SCN9A: variants seen among roughly 807,000 people sequenced by gnomAD.
The protein encoded by SCN9A is sodium voltage-gated channel alpha subunit 9.
Under a neutral mutation model 187.0 loss-of-function variants are expected in SCN9A, and 131 were observed. The ratio of observed to expected loss-of-function variants is 0.70; its 90% CI spans 0.61 to 0.81. SCN9A has a LOEUF of 0.81. Among genes scored for constraint, SCN9A ranks in the 30% least tolerant of loss-of-function variants. SCN9A has a pLI of 0.00. For synonymous variants in SCN9A, 809 were observed against 808.6 expected, an observed-to-expected ratio of 1.00 and a Z score of -0.01; for missense variants, 2,252 against 2,396.6, an observed-to-expected ratio of 0.94 and a Z score of 1.26.
Position 166,286,427 on chromosome 2 carries a change from T to A in SCN9A, c.1511A>T (p.Glu504Val). Residue 504 changes from glutamate to valine, a missense_variant, in exon 11 of 27, where the codon GAA becomes GTA. Coordinates refer to ENST00000642356, the MANE Select transcript of SCN9A (RefSeq NM_001365536.1). ...TTTTCTTCTGATGCTGTCCTCTGAT[T>A]CTGATTTCGACAATTTCTCAGCATC... ...KGDAEKLSKS[E>V]SEDSIRRKSF... is the part of the protein sequence containing the mutation. 6.2e-7 allele frequency: 1 copy of A among 1,613,922 alleles called. No individual in the cohort carries two copies. Among genetic ancestry groups the A allele is most frequent in the South Asian group, 1.1e-5 (1 of 91,068 alleles).
intron 4 of SCN9A, 150 bp downstream of exon 4, chr2:166,306,360 G>A: frequency 1.6e-6 from 1 of 630,142 alleles, no homozygotes; most frequent in East Asian, 2.8e-5. Context: ...TAATATCATA[G>A]AGGAGGTAAA....
In SCN9A at chr2:166,311,620, GCTT is replaced by G. The variant is rs1198936365; in HGVS notation, c.134_136del (p.Glu45del). On this transcript the variant is annotated inframe_deletion, in exon 2 of 27. Coordinates refer to ENST00000642356, the MANE Select transcript of SCN9A (RefSeq NM_001365536.1). Reference sequence around the variant, plus strand: ...TTCCAAGTCACTGCTTGGCTTTGGGGCTTCTTCATCATCATCTTTCTTTTCTTC... The same window carrying G: ...TTCCAAGTCACTGCTTGGCTTTGGGGCTTCATCATCATCTTTCTTTTCTTC... 2 of 1,613,166 alleles carry G rather than the reference GCTT, an allele frequency of 1.2e-6. No individual in the cohort carries two copies. Among genetic ancestry groups the G allele is most frequent in the South Asian group, 1.1e-5 (1 of 91,044 alleles).
At position 166,215,999 on chromosome 2, in the gene SCN9A, G is replaced by A. The variant is rs1694314737; in HGVS notation, c.4398+10568C>T. On this transcript the variant is annotated intron_variant, in intron 24 of 26. Transcript: ENST00000642356. ...TCCAAAAATTCACAACAATATATTA[G>A]CAAACTGAATTCCCTAGCACATTTA... 2.6e-5 allele frequency among the ~76,000 whole-genome samples: 4 copies of A among 151,934 alleles called. No individual in the cohort carries two copies. In the South Asian group the frequency reaches 8.3e-4, roughly 31 times the overall value.
At chr2:166,288,162 T>TACACAC (rs10584581) in intron 10 of SCN9A, among the ~76,000 whole-genome samples, 6 of 146,820 alleles carry the variant, frequency 4.1e-5, no homozygotes, top group African/African-American at 1.3e-4. Flanking sequence ...TATATAGACA[T>TACACAC]ACACACACAC....
intron 1 of SCN9A, among the ~76,000 whole-genome samples, chr2:166,354,259 T>C (rs2105303636): frequency 6.6e-6 from 1 of 152,298 alleles, no homozygotes; most frequent in Non-Finnish European, 1.5e-5. Flanking sequence ...GCAAAAAATA[T>C]AAGGATTCTG....
chr2:166,280,297 G>A, intron 14 of SCN9A, 60 bp downstream of exon 14: 1 of 935,138 alleles, frequency 1.1e-6, no homozygotes, highest in Non-Finnish European at 1.6e-6. Context: ...AATATGAAAT[G>A]ACAATGATGA....
intron 9 of SCN9A, 66 bp downstream of exon 9, chr2:166,293,165 G>T: frequency 7.1e-7 from 1 of 1,407,600 alleles, no homozygotes; most frequent in South Asian, 1.3e-5. Flanking sequence ...CCTAATACAG[G>T]CTCTTAACAT....
chr2:166,230,774 G>A (rs1055259422), intron 21 of SCN9A, among the ~76,000 whole-genome samples: 6 of 152,046 alleles, frequency 3.9e-5, no homozygotes, highest in African/African-American at 1.4e-4. Flanking sequence ...TGTACTCTGT[G>A]TTTTTTATAT....
intron 17 of SCN9A, among the ~76,000 whole-genome samples, chr2:166,264,116 C>T (rs935852781): frequency 1.3e-5 from 2 of 151,844 alleles, no homozygotes; most frequent in Non-Finnish European, 1.5e-5. Flanking sequence ...AAGTTAATCC[C>T]GATATTAAAT....
At chr2:166,352,844 C>T (rs999426504) in intron 1 of SCN9A, among the ~76,000 whole-genome samples, 2 of 152,140 alleles carry the variant, frequency 1.3e-5, no homozygotes, top group African/African-American at 2.4e-5. Context: ...TGTGCTGCTC[C>T]ATTCTGTTGC....
chr2:166,357,775 T>C (rs1477557276), intron 1 of SCN9A, among the ~76,000 whole-genome samples: 1 of 152,164 alleles, frequency 6.6e-6, no homozygotes, highest in Non-Finnish European at 1.5e-5. Context: ...TCTCCATTCT[T>C]TGGCCATCGA....
rs2106347086 is a variant in SCN9A, at chr2:166,204,414, A to G, written c.4449T>C (p.Asn1483=). 1 of 1,608,422 alleles carries G rather than the reference A, an allele frequency of 6.2e-7. No individual in the cohort carries two copies. Among genetic ancestry groups the G allele is most frequent in the Non-Finnish European group, 8.5e-7 (1 of 1,177,774 alleles). Reference sequence around the variant, plus strand: ...TCTTGGACCCCAGCTTTTTCATTGCATTATAGTATTTCTTCTGTTCTTCTG... The same window carrying G: ...TCTTGGACCCCAGCTTTTTCATTGCGTTATAGTATTTCTTCTGTTCTTCTG... The part of the protein sequence containing the change: ...FMTEEQKKYY[N]AMKKLGSKKP... Residue 1483 remains asparagine (N), a synonymous_variant, in exon 25 of 27, where the codon AAT becomes AAC. Transcript: ENST00000642356.
intron 1 of SCN9A, among the ~76,000 whole-genome samples, chr2:166,355,929 C>T (rs1231775288): frequency 2.6e-5 from 4 of 152,004 alleles, no homozygotes; most frequent in African/African-American, 7.2e-5. Flanking sequence ...CCTGCCACCA[C>T]GCCCAGCTAA....
At chr2:166,293,116 T>C (rs1698148971) in intron 9 of SCN9A, 115 bp downstream of exon 9, 2 of 856,606 alleles carry the variant, frequency 2.3e-6, no homozygotes, top group Non-Finnish European at 3.6e-6. Context: ...GGTAATAAGA[T>C]AATAGAGTTT....
intron 21 of SCN9A, among the ~76,000 whole-genome samples, chr2:166,232,845 CTT>C (rs1457291784): frequency 6.8e-6 from 1 of 146,044 alleles, no homozygotes; most frequent in Non-Finnish European, 1.5e-5. Context: ...TATATATAGT[CTT>C]TCATATTCTG....
At chr2:166,306,853 C>G (rs1411620767) in intron 3 of SCN9A, 103 bp downstream of exon 3, 1 of 676,638 alleles carries the variant, frequency 1.5e-6, no homozygotes, top group Non-Finnish European at 2.5e-6. Flanking sequence ...AAACTAAAAC[C>G]AGAGTCTTTC....
intron 21 of SCN9A, 39 bp downstream of exon 21, chr2:166,233,301 T>C (rs1208210889): frequency 1.4e-6 from 2 of 1,402,004 alleles, no homozygotes; most frequent in Non-Finnish European, 1.9e-6. Flanking sequence ...TAAACCCCAT[T>C]AAAAAATAAG....
chr2:166,296,471 C>T (rs1045447104), intron 7 of SCN9A, among the ~76,000 whole-genome samples: 3 of 152,122 alleles, frequency 2.0e-5, no homozygotes, highest in African/African-American at 7.2e-5. Flanking sequence ...TCCTGAACCT[C>T]GGGAAGGATG....
At chr2:166,329,064 A>T (rs955436586) in intron 1 of SCN9A, among the ~76,000 whole-genome samples, 1 of 152,146 alleles carries the variant, frequency 6.6e-6, no homozygotes, top group African/African-American at 2.4e-5. Flanking sequence ...AAGACCTTTT[A>T]ATAACTGAAA....
Sources: gnomAD v4.1 joint callset for allele counts (sites outside exome capture counted in the v4.1 genomes callset) on GRCh38, gnomAD v4.1.1 for gene constraint, MANE v1.5 for transcripts, NCBI Gene and HGNC (gene_info 2026-07-23, HGNC 2026-07-21) for gene names.